CES1: variants seen among roughly 807,000 people sequenced by gnomAD.
The protein encoded by CES1 is liver carboxylesterase 1.
In CES1, 50 loss-of-function variants were observed where a neutral mutation model predicts 53.0. That is an observed-to-expected ratio of 0.94 (90% confidence interval 0.75 to 1.19). CES1 has a LOEUF of 1.19. Ranked by LOEUF, CES1 falls within the 50% of genes most tolerant of loss-of-function variation. The pLI, the probability that CES1 is intolerant of heterozygous loss-of-function variation, is 0.00. For missense variants in CES1, 534 were observed against 538.0 expected (o/e 0.99, Z 0.07); for synonymous variants, 202 against 210.1 (o/e 0.96, Z 0.33).
At chr16:55,826,001 C>G in intron 3 of CES1, 150 bp downstream of exon 3, 1 of 1,003,858 alleles carries the variant, frequency 1.0e-6, no homozygotes, top group South Asian at 1.3e-5. Flanking sequence ...TGTGGAAAAC[C>G]AGTGTTTCCT....
rs559652575 is a variant in CES1 at position 55,826,048 on chromosome 16, G to A, written c.405+103C>T. ...GGGGTCTCTGAAACAATCCTGGCCT[G>A]TGCAGCTCCCTCCCCAAGCTGCCTT... On this transcript the variant is annotated intron_variant, in intron 3 of 13. Transcript: ENST00000360526. 3.0e-5 allele frequency: 43 copies of A among 1,438,748 alleles called. No individual in the cohort carries two copies. The African/African-American group carries it at 5.7e-4, about 19-fold the overall frequency. 89.1% of individuals were successfully genotyped at this position (1,438,748 alleles called of 1,614,324 possible).
At position 55,809,643 on chromosome 16, in the gene CES1, G is replaced by A. The variant is rs139019792; in HGVS notation, c.1318+874C>T. Among the ~76,000 whole-genome samples the A allele has an allele frequency of 7.0e-4, 107 of 152,236 alleles. No homozygotes were observed. The East Asian group carries it at 0.019, about 28-fold the overall frequency. On this transcript the variant is annotated intron_variant, in intron 11 of 13. Transcript: ENST00000360526. ...GCCCTGTGCTTGCATGCTACTGCAC[G>A]CACTGAGATGCATAAAAACCACCCT...
intron 4 of CES1, among the ~76,000 whole-genome samples, chr16:55,823,266 G>A (rs1175181159): frequency 6.6e-6 from 1 of 152,166 alleles, no homozygotes; most frequent in Non-Finnish European, 1.5e-5. Context: ...GAGGAGATGA[G>A]TCTTTCAGTG....
rs761973825 is a variant in CES1, at chr16:55,812,921, A to C, written c.1068T>G (p.Phe356Leu). 7 of 1,614,064 alleles carry C rather than the reference A, an allele frequency of 4.3e-6. No homozygotes were observed. The highest frequency in any genetic ancestry group is 2.7e-5 in the African/African-American group (2 of 74,906). ...TTCTCACCATTGGAATCAACCAGCC[A>C]AACTCCTGCTTGTTAATTCCGACCA... ...PYMVGINKQE[F>L]GWLIPMQLMS... Residue 356 changes from phenylalanine to leucine, a missense_variant, in exon 9 of 14, where the codon TTT becomes TTG. Coordinates refer to ENST00000360526, the MANE Select transcript of CES1 (RefSeq NM_001025195.2).
chr16:55,809,552 T>C (rs747715538), intron 11 of CES1, among the ~76,000 whole-genome samples: 61 of 152,212 alleles, frequency 4.0e-4, no homozygotes, highest in Non-Finnish European at 3.7e-4. Context: ...CACACATCCC[T>C]AACGTCATGC....
At chr16:55,824,869 C>T (rs1265525273) in intron 3 of CES1, among the ~76,000 whole-genome samples, 2 of 152,162 alleles carry the variant, frequency 1.3e-5, no homozygotes, top group East Asian at 1.9e-4. Context: ...AAACCCAGAC[C>T]GTGTAGTTCT....
chr16:55,828,960 A>G lies in CES1; in HGVS notation c.67T>C (p.Ser23Pro), dbSNP rs1280405679. The change falls in exon 2 of 14, where the codon TCG (serine) becomes CCG (proline). Residue 23 changes from serine to proline, a missense_variant. This residue lies in a region of CES1 where 164 missense variants were observed against 162.4 expected (regional missense o/e 1.01). Transcript: ENST00000360526. ...ASAAWAGHPSSPPVVDTVHGK... is the reference protein window; with the variant it reads ...ASAAWAGHPSPPPVVDTVHGK... ...TGCACGGTGTCCACCACAGGTGGCG[A>G]GGACGGATGCCCTGCTGGACATGGA... is the stretch of plus-strand genomic sequence containing the variant. 1.2e-6 allele frequency: 2 copies of G among 1,610,744 alleles called. No homozygotes were observed. Among genetic ancestry groups the G allele is most frequent in the South Asian group, 1.1e-5 (1 of 90,262 alleles).
chr16:55,831,108 G>A (rs565064383), intron 1 of CES1, among the ~76,000 whole-genome samples: 3 of 149,868 alleles, frequency 2.0e-5, no homozygotes, highest in East Asian at 3.9e-4. Context: ...GGGTACATAC[G>A]GTGGATGTGT....
chr16:55,827,701 A>G (rs1359082044), intron 2 of CES1, among the ~76,000 whole-genome samples: 1 of 152,214 alleles, frequency 6.6e-6, no homozygotes, highest in Non-Finnish European at 1.5e-5. Flanking sequence ...TCAATACCCA[A>G]TGTAATGCAG....
chr16:55,813,065 A>G (rs1260463577), intron 8 of CES1, 22 bp from the exon 9 acceptor site: 2 of 1,613,514 alleles, frequency 1.2e-6, no homozygotes, highest in East Asian at 2.2e-5. Flanking sequence ...GCAGTGCAGC[A>G]CCTGTGATTC....
chr16:55,832,864 T>C (rs543411321), intron 1 of CES1, 140 bp downstream of exon 1: 5 of 857,790 alleles, frequency 5.8e-6, no homozygotes, highest in East Asian at 2.7e-5. Context: ...CTGCTCCAAG[T>C]CCAAGTCCTA....
intron 2 of CES1, chr16:55,828,263 A>C (rs1345508224): frequency 4.0e-6 from 1 of 249,798 alleles, no homozygotes; most frequent in Non-Finnish European, 8.0e-6. Flanking sequence ...GGCACACCTG[A>C]GAGTTGAGCA....
chr16:55,831,404 G>A (rs2032665940), intron 1 of CES1, among the ~76,000 whole-genome samples: 1 of 150,890 alleles, frequency 6.6e-6, no homozygotes, highest in Non-Finnish European at 1.5e-5. Context: ...GATTGCCAAG[G>A]GTGAAAAAGT....
At chr16:55,821,618 A>G (rs540513045) in intron 4 of CES1, 97 bp from the exon 5 acceptor site, 5 of 1,339,512 alleles carry the variant, frequency 3.7e-6, no homozygotes, top group Non-Finnish European at 5.3e-6. Flanking sequence ...TGAACCCTTA[A>G]GAATAAGGCT....
chr16:55,828,546 G>C (rs1200302972), intron 2 of CES1, among the ~76,000 whole-genome samples: 1 of 152,128 alleles, frequency 6.6e-6, no homozygotes, highest in Non-Finnish European at 1.5e-5. Flanking sequence ...TTCACTAATG[G>C]ATCCCAAGAA....
intron 2 of CES1, among the ~76,000 whole-genome samples, chr16:55,827,315 A>T (rs181284468): frequency 1.8e-3 from 273 of 149,904 alleles, no homozygotes; most frequent in Non-Finnish European, 3.3e-3. Flanking sequence ...AATACATTCC[A>T]ATGTGAAGAA....
Position 55,828,811 on chromosome 16 carries a change from T to C in CES1, c.216A>G (p.Ala72=). ...GPLRFTPPQP[A]EPWSFVKNAT... ...CATTCTTCACAAAGCTCCATGGTTC[T>C]GCAGGCTGCGGTGGAGTAAACCTCA... The change falls in exon 2 of 14, where the codon GCA becomes GCG. Residue 72 remains alanine, a synonymous_variant. Transcript: ENST00000360526. 2 of 1,614,296 alleles carry C rather than the reference T, an allele frequency of 1.2e-6. No homozygotes were observed. The highest frequency in any genetic ancestry group is 1.7e-6 in the Non-Finnish European group (2 of 1,180,052).
At position 55,821,476 on chromosome 16, in the gene CES1, C is replaced by G; in HGVS notation, c.585G>C (p.Gln195His). ...CCTGGACCCAGCGCAGGGCAGCCAC[C>G]TGGTCCAGGTGACCCCAGTTCCCCC... Reference protein sequence around the residue: ...HSRGNWGHLDQVAALRWVQDN... With the variant: ...HSRGNWGHLDHVAALRWVQDN... The change falls in exon 5 of 14, where the codon CAG becomes CAC. Residue 195 changes from glutamine to histidine, a missense_variant. Gln to His is a conservative substitution (Grantham distance 24, BLOSUM62 0). Coordinates refer to ENST00000360526, the MANE Select transcript of CES1 (RefSeq NM_001025195.2). The G allele has an allele frequency of 1.2e-6, 2 of 1,614,226 alleles. No homozygotes were observed. Among genetic ancestry groups the G allele is most frequent in the African/African-American group, 1.3e-5 (1 of 75,042 alleles).
chr16:55,830,821 G>GGAAGGTAAGAAGGAAGGAAGGAAA (rs1567509502), intron 1 of CES1, among the ~76,000 whole-genome samples: 2 of 133,474 alleles, frequency 1.5e-5, no homozygotes, highest in African/African-American at 2.7e-5. Context: ...AAGGAAGGAA[G>GGAAGGTAAGAAGGAAGGAAGGAAA]GCAGGCAGGC....
Sources: allele counts gnomAD v4.1 joint callset (sites outside exome capture counted in the v4.1 genomes callset), GRCh38; gene constraint gnomAD v4.1.1; regional missense constraint gnomAD v4.1.1; transcripts MANE v1.5; gene names NCBI Gene and HGNC (gene_info 2026-07-23, HGNC 2026-07-21).